The following SLF2 variants were observed in gnomAD, a reference collection of about 807,000 sequenced individuals.
The protein encoded by SLF2 is SMC5/6 complex localization factor 2, also known as SMC5-SMC6 complex localization factor protein 2.
SLF2 carries 68 observed loss-of-function variants against 124.3 expected under a neutral mutation model. That is an observed-to-expected ratio of 0.55 (90% CI 0.45 to 0.67). The LOEUF (loss-of-function observed/expected upper bound fraction) is 0.67. SLF2 is among the 30% of genes least tolerant of loss of function. The pLI is 0.00. For missense variants in SLF2, 1,246 were observed against 1,373.7 expected (o/e 0.91, Z 1.47); for synonymous variants, 480 against 478.8 (o/e 1.00, Z -0.03).
At position 100,924,686 on chromosome 10, in the gene SLF2, T is replaced by A; in HGVS notation, c.1685T>A (p.Val562Asp). Residue 562 changes from valine to aspartate, a missense_variant, in exon 5 of 20, where the codon GTT becomes GAT. Around this residue, in one of 3 missense-constraint regions of SLF2, gnomAD observed 698 missense variants for 708.9 expected, o/e 0.98. Coordinates refer to ENST00000238961, the MANE Select transcript of SLF2 (RefSeq NM_018121.4). ...PTKSPPAALE[V>D]VPCIPSPAAP... is the part of the protein sequence containing the mutation. ...AAGTCTCCCCCTGCTGCTTTGGAAG[T>A]TGTGCCATGTATCCCAAGCCCTGCA... The A allele has an allele frequency of 6.2e-7, 1 of 1,614,122 alleles. No homozygotes were observed. Among genetic ancestry groups the A allele is most frequent in the Non-Finnish European group, 8.5e-7 (1 of 1,180,014 alleles).
At chr10:100,952,797 G>A (rs1465124666) in intron 17 of SLF2, among the ~76,000 whole-genome samples, 1 of 151,232 alleles carries the variant, frequency 6.6e-6, no homozygotes, top group South Asian at 2.1e-4. Context: ...AAATTAGCCG[G>A]GCGTGATGGT....
chr10:100,931,559 GAT>G (rs962979034), intron 9 of SLF2, among the ~76,000 whole-genome samples: 46 of 152,032 alleles, frequency 3.0e-4, no homozygotes, highest in African/African-American at 1.0e-3. Flanking sequence ...TTAAATTTAA[GAT>G]ATGATAATTC....
intron 19 of SLF2, among the ~76,000 whole-genome samples, chr10:100,961,634 G>A (rs1009030361): frequency 1.3e-5 from 2 of 152,108 alleles, no homozygotes; most frequent in African/African-American, 2.4e-5. Context: ...GCTTAACTAA[G>A]CCCCTCCATG....
intron 4 of SLF2, among the ~76,000 whole-genome samples, chr10:100,923,172 C>T (rs528363540): frequency 6.6e-6 from 1 of 152,246 alleles, no homozygotes; most frequent in Non-Finnish European, 1.5e-5. Context: ...ATATTAGTTT[C>T]CTAGGGCTGC....
Position 100,912,989 on chromosome 10 carries a change from G to A in SLF2, c.-122G>A, listed in dbSNP as rs1849343183. ...CTTCCGAAGAGAGAACCGCCATGAA[G>A]AGAGAAGGGGGTGCCGCCCACCTCT... On this transcript the variant is annotated 5_prime_UTR_variant, in exon 1 of 20. Transcript: ENST00000238961. The A allele has an allele frequency of 4.7e-6, 5 of 1,065,228 alleles. No individual in the cohort carries two copies. Among genetic ancestry groups the A allele is most frequent in the South Asian group, 1.5e-5 (1 of 65,098 alleles). The allele number at this position is 1,065,228 out of a possible 1,614,324, so 66.0% of individuals were successfully genotyped here.
In SLF2 at chr10:100,947,095, G is replaced by A; in HGVS notation, c.2991G>A (p.Leu997=). 6.2e-7 allele frequency: 1 copy of A among 1,610,568 alleles called. No homozygotes were observed. Among genetic ancestry groups the A allele is most frequent in the South Asian group, 1.1e-5 (1 of 90,542 alleles). Residue 997 remains leucine (L), a synonymous_variant, in exon 14 of 20, where the codon CTG becomes CTA. Transcript: ENST00000238961. Reference sequence around the variant, plus strand: ...TCTCCAGTCATCCCCACAACCTCCTGTGGTTGGTACAGCTGGTCCCTAATT... The same window carrying A: ...TCTCCAGTCATCCCCACAACCTCCTATGGTTGGTACAGCTGGTCCCTAATT... ...NELSSHPHNL[L]WLVQLVPNWT...
chr10:100,941,060 A>C (rs2133804229), intron 11 of SLF2, among the ~76,000 whole-genome samples: 1 of 151,568 alleles, frequency 6.6e-6, no homozygotes, highest in African/African-American at 2.4e-5. Context: ...GGCTGGTCTC[A>C]AAATCCTGGG....
intron 5 of SLF2, 85 bp from the exon 6 acceptor site, chr10:100,925,864 G>A: frequency 7.8e-7 from 1 of 1,286,544 alleles, no homozygotes. Flanking sequence ...ATAGAAAATA[G>A]TCTTTCGTAC....
intron 6 of SLF2, among the ~76,000 whole-genome samples, chr10:100,927,405 A>G (rs1483421999): frequency 6.6e-6 from 1 of 152,236 alleles, no homozygotes; most frequent in Non-Finnish European, 1.5e-5. Flanking sequence ...TCATTCATAT[A>G]GTAGCATGTG....
At chr10:100,919,929 G>A (rs975238367) in intron 4 of SLF2, among the ~76,000 whole-genome samples, 4 of 152,170 alleles carry the variant, frequency 2.6e-5, no homozygotes, top group Non-Finnish European at 5.9e-5. Flanking sequence ...TTTTAGAGGT[G>A]CATTGCATTT....
chr10:100,919,162 C>T (rs1849480436), intron 4 of SLF2, among the ~76,000 whole-genome samples: 1 of 151,960 alleles, frequency 6.6e-6, no homozygotes. Flanking sequence ...CAGGCGCCCA[C>T]CACCATGCCC....
At chr10:100,950,282 T>C (rs543876164) in intron 16 of SLF2, 75 bp downstream of exon 16, 13 of 1,433,782 alleles carry the variant, frequency 9.1e-6, no homozygotes, top group Admixed American at 4.8e-5. Context: ...TAGACTGATA[T>C]GTAGGCATTT....
intron 12 of SLF2, among the ~76,000 whole-genome samples, chr10:100,944,513 A>C (rs905839694): frequency 2.0e-5 from 3 of 151,558 alleles, no homozygotes; most frequent in African/African-American, 7.3e-5. Flanking sequence ...AAAAAAAAAA[A>C]ACTCTCTAGT....
At chr10:100,925,195 A>G (rs911486681) in intron 5 of SLF2, among the ~76,000 whole-genome samples, 2 of 152,288 alleles carry the variant, frequency 1.3e-5, no homozygotes, top group African/African-American at 2.4e-5. Flanking sequence ...ACACTTAACA[A>G]TTTTTGAGCA....
At chr10:100,929,550 A>G (rs1849687291) in intron 7 of SLF2, 111 bp downstream of exon 7, 1 of 986,376 alleles carries the variant, frequency 1.0e-6, no homozygotes, top group African/African-American at 1.7e-5. Flanking sequence ...AATTTATGAT[A>G]GGTTTCTGTC....
Position 100,917,033 on chromosome 10 carries a change from T to C in SLF2, c.648T>C (p.Leu216=). The change falls in exon 3 of 20, where the codon CTT becomes CTC. Residue 216 remains leucine (L), a synonymous_variant. Coordinates refer to ENST00000238961, the MANE Select transcript of SLF2 (RefSeq NM_018121.4). ...ADIFNNSSRS[L]SSRSSLSRHH... Reference sequence around the variant, plus strand: ...TCTTCAATAACAGCTCCAGAAGCCTTAGCAGCAGGAGCAGCCTGTCCAGGC... The same window carrying C: ...TCTTCAATAACAGCTCCAGAAGCCTCAGCAGCAGGAGCAGCCTGTCCAGGC... 6.2e-7 allele frequency: 1 copy of C among 1,614,148 alleles called. No homozygotes were observed. Among genetic ancestry groups the C allele is most frequent in the Non-Finnish European group, 8.5e-7 (1 of 1,180,020 alleles).
chr10:100,926,834 C>T (rs1980633), intron 6 of SLF2: 65,350 of 150,470 alleles, frequency 0.43, 16,231 homozygotes, highest in Middle Eastern at 0.6. Context: ...GGCGTGAACC[C>T]GGAAGTCGGA....
chr10:100,955,064 C>CGAGT (rs564740008), intron 17 of SLF2, among the ~76,000 whole-genome samples: 103 of 151,810 alleles, frequency 6.8e-4, no homozygotes, highest in African/African-American at 2.3e-3. Flanking sequence ...CCCAGCCTCC[C>CGAGT]GAGTAGCTGG....
rs1849603759 is a variant in SLF2, at chr10:100,925,970, TA to T, written c.1994del (p.Tyr665SerfsTer5). The T allele has an allele frequency of 6.2e-7, 1 of 1,604,558 alleles. No individual in the cohort carries two copies. Among genetic ancestry groups the T allele is most frequent in the Non-Finnish European group, 8.5e-7 (1 of 1,174,942 alleles). The part of the protein sequence containing the change: ...DYTGHVHPGT[Y>X]TNTLERLVKE... ...TTAGGGACATGTTCATCCTGGAACT[TA>T]CACAAATACCTTAGAACGTCTAGTG... is the stretch of plus-strand genomic sequence containing the variant. On this transcript the variant is annotated frameshift_variant, in exon 6 of 20. Transcript: ENST00000238961. LOFTEE classifies it high-confidence loss of function.
Sources: gnomAD v4.1 joint callset for allele counts (sites outside exome capture counted in the v4.1 genomes callset) on GRCh38, gnomAD v4.1.1 for gene constraint, gnomAD v4.1.1 regional missense constraint, MANE v1.5 for transcripts, NCBI Gene and HGNC (gene_info 2026-07-23, HGNC 2026-07-21) for gene names.